POU2F1: variants seen among roughly 807,000 people sequenced by gnomAD.
POU2F1 encodes POU class 2 homeobox 1.
Under a neutral mutation model 84.9 loss-of-function variants are expected in POU2F1, and 16 were observed. The observed-to-expected ratio is 0.19, with a 90% CI of 0.13 to 0.29. The LOEUF (loss-of-function observed/expected upper bound fraction) is 0.29, where lower values mean the gene tolerates loss of function less well. Ranked by LOEUF, POU2F1 falls within the 10% of genes least tolerant of loss-of-function variation. POU2F1 has a pLI of 1.00. For missense variants in POU2F1, 738 were observed against 942.6 expected (o/e 0.78, Z 2.84); for synonymous variants, 368 against 368.3 (o/e 1.00, Z 0.01).
At chr1:167,331,454 A>G (rs1395704153) in intron 1 of POU2F1, among the ~76,000 whole-genome samples, 2 of 152,072 alleles carry the variant, frequency 1.3e-5, no homozygotes, top group Non-Finnish European at 2.9e-5. Context: ...GTTCTCTGTT[A>G]ATAACTAAAG....
At chr1:167,293,938 A>G (rs1261740230) in intron 1 of POU2F1, among the ~76,000 whole-genome samples, 3 of 152,120 alleles carry the variant, frequency 2.0e-5, no homozygotes, top group African/African-American at 7.2e-5. Flanking sequence ...CCTATCTCTC[A>G]CCTTATACAA....
At chr1:167,371,889 C>A in intron 4 of POU2F1, 28 bp from the exon 5 acceptor site, 2 of 1,613,722 alleles carry the variant, frequency 1.2e-6, no homozygotes, top group Non-Finnish European at 1.7e-6. Context: ...CATTTGCAAT[C>A]TTTTATTTCC....
intron 3 of POU2F1, among the ~76,000 whole-genome samples, chr1:167,365,838 G>T (rs1659652904): frequency 6.6e-6 from 1 of 152,152 alleles, no homozygotes. Context: ...TTATAAGTGG[G>T]TATCTGTGGT....
rs564099340 is a variant in POU2F1 at position 167,422,973 on chromosome 1, C to T, written c.*7163C>T. The T allele has an allele frequency of 5.3e-5, 8 of 152,280 alleles. No individual in the cohort carries two copies. Among genetic ancestry groups the T allele is most frequent in the African/African-American group, 1.9e-4 (8 of 41,564 alleles). The allele number at this position is 152,280 out of a possible 1,614,324, so 9.4% of individuals were successfully genotyped here. A position where few individuals can be genotyped will look rare whatever the true frequency, so the allele number is the denominator to read the frequency against. On this transcript the variant is annotated 3_prime_UTR_variant, in exon 16 of 16. Transcript: ENST00000367866. ...CTGGCTCTTTAAAGATGGATAGTTG[C>T]TCAATCTAGCAGTGATGTTCTTGGA...
At chr1:167,255,165 A>G (rs946337060) in intron 1 of POU2F1, among the ~76,000 whole-genome samples, 12 of 152,220 alleles carry the variant, frequency 7.9e-5, no homozygotes, top group Non-Finnish European at 7.4e-5. Flanking sequence ...GTCTCATTCA[A>G]TAGGTACTCA....
intron 2 of POU2F1, among the ~76,000 whole-genome samples, chr1:167,351,448 G>A (rs752675752): frequency 1.3e-5 from 2 of 149,446 alleles, no homozygotes; most frequent in Non-Finnish European, 3.0e-5. Flanking sequence ...AACCTGGGAG[G>A]CGCAGGGTTG....
intron 1 of POU2F1, among the ~76,000 whole-genome samples, chr1:167,309,627 C>G (rs1445036717): frequency 2.6e-5 from 4 of 152,166 alleles, no homozygotes; most frequent in African/African-American, 9.7e-5. Flanking sequence ...TTTGCTTCTA[C>G]TACACCACCT....
chr1:167,357,216 C>A (rs1253626051), intron 2 of POU2F1, among the ~76,000 whole-genome samples: 1 of 151,978 alleles, frequency 6.6e-6, no homozygotes, highest in African/African-American at 2.4e-5. Context: ...GTAACTGGCC[C>A]CCTTATCTTC....
chr1:167,416,088 A>AAAAAAAAAAAAAAAAAAAAAAAAAAAAT lies in POU2F1; in HGVS notation c.*296_*297insAAAAAAAAATAAAAAAAAAAAAAAAAAA. ...TTGGAGAACTTTCTAACCAAAAATTAAAAAAAAAAAAAAAAAAAGAAACAA... is the reference window on the plus strand; with the variant it reads ...TTGGAGAACTTTCTAACCAAAAATTAAAAAAAAAAAAAAAAAAAAAAAAAAAATAAAAAAAAAAAAAAAAAAGAAACAA... On this transcript the variant is annotated 3_prime_UTR_variant, in exon 16 of 16. Transcript: ENST00000367866. The AAAAAAAAAAAAAAAAAAAAAAAAAAAAT allele has an allele frequency of 4.1e-5, 1 of 24,298 alleles. No individual in the cohort carries two copies. The highest frequency in any genetic ancestry group is 1.5e-4 in the Non-Finnish European group (1 of 6,852). The allele number at this position is 24,298 out of a possible 1,614,324, so 1.5% of individuals were successfully genotyped here. A position where few individuals can be genotyped will look rare whatever the true frequency, so the allele number is the denominator to read the frequency against.
intron 1 of POU2F1, among the ~76,000 whole-genome samples, chr1:167,268,087 G>A (rs148870738): frequency 6.6e-6 from 1 of 152,132 alleles, no homozygotes; most frequent in East Asian, 1.9e-4. Flanking sequence ...AAATCACTTA[G>A]ATATTGGTTC....
intron 1 of POU2F1, among the ~76,000 whole-genome samples, chr1:167,284,927 A>G (rs1021118003): frequency 3.3e-5 from 5 of 152,352 alleles, no homozygotes; most frequent in East Asian, 1.9e-4. Flanking sequence ...TGTTGCAAGT[A>G]TAACAGAATA....
chr1:167,421,840 C>G lies in POU2F1; in HGVS notation c.*6030C>G, dbSNP rs1013958945. 1 of 140,580 alleles carries G rather than the reference C, an allele frequency of 7.1e-6. No homozygotes were observed. The highest frequency in any genetic ancestry group is 7.7e-5 in the Admixed American group (1 of 13,014). 8.7% of individuals were successfully genotyped at this position (140,580 alleles called of 1,614,324 possible). A position where few individuals can be genotyped will look rare whatever the true frequency, so the allele number is the denominator to read the frequency against. ...TAGTTGAACTAATGTTTATTATGAT[C>G]GATAAACAAGATTGATGCTGTATGT... On this transcript the variant is annotated 3_prime_UTR_variant, in exon 16 of 16. Transcript: ENST00000367866.
rs367961462 is a variant in POU2F1 at position 167,252,915 on chromosome 1, CTG to C, written c.61+31960_61+31961del. ...TTTCTGTTATTTCTATGCCCAAAGA[CTG>C]TGCTGACCGCCATTTTGCCAGAAGC... On this transcript the variant is annotated intron_variant, in intron 1 of 15. Transcript: ENST00000367866. 4.3e-4 allele frequency among the ~76,000 whole-genome samples: 65 copies of C among 152,310 alleles called. 2 individuals are homozygous for C. In the South Asian group the frequency reaches 0.013, roughly 30 times the overall value.
At chr1:167,338,130 C>G in intron 2 of POU2F1, 1 of 464,894 alleles carries the variant, frequency 2.2e-6, no homozygotes, top group Non-Finnish European at 4.4e-6. Context: ...TCTCCTGCCT[C>G]CCCTTCCAGC....
intron 2 of POU2F1, among the ~76,000 whole-genome samples, chr1:167,334,988 A>G (rs1397010486): frequency 6.6e-6 from 1 of 152,144 alleles, no homozygotes; most frequent in African/African-American, 2.4e-5. Context: ...TGACACTTTA[A>G]GGAGAATGAT....
chr1:167,368,569 T>C (rs1238669639), intron 3 of POU2F1, among the ~76,000 whole-genome samples: 1 of 152,182 alleles, frequency 6.6e-6, no homozygotes, highest in Non-Finnish European at 1.5e-5. Context: ...AAAATTTTTA[T>C]CTTCTTCAAA....
In POU2F1 at chr1:167,328,755, A is replaced by C. The variant is rs138300402; in HGVS notation, c.62-3715A>C. Among the ~76,000 whole-genome samples, 1,058 of 152,214 alleles carry C rather than the reference A, an allele frequency of 7.0e-3. 14 individuals carry two copies. The highest frequency in any genetic ancestry group is 4.5e-3 in the Non-Finnish European group (305 of 68,012). ...CAGGAGATAATTTTTCCCTTCATGC[A>C]CTGCCAATTAATATGCAAATAGCCT... On this transcript the variant is annotated intron_variant, in intron 1 of 15. Coordinates refer to ENST00000367866, the MANE Select transcript of POU2F1 (RefSeq NM_002697.4).
chr1:167,423,554 A>G lies in POU2F1; in HGVS notation c.*7744A>G, dbSNP rs185664229. On this transcript the variant is annotated 3_prime_UTR_variant, in exon 16 of 16. Coordinates refer to ENST00000367866, the MANE Select transcript of POU2F1 (RefSeq NM_002697.4). ...GAACACCACTTTGAGCACAGAAACA[A>G]AGGTCCCTTGGACCTGGTAGGGAAG... The G allele has an allele frequency of 6.6e-6, 1 of 152,298 alleles. No homozygotes were observed. The highest frequency in any genetic ancestry group is 2.4e-5 in the African/African-American group (1 of 41,562). The allele number at this position is 152,298 out of a possible 1,614,324, so 9.4% of individuals were successfully genotyped here.
intron 1 of POU2F1, among the ~76,000 whole-genome samples, chr1:167,237,768 ATATATTTTTTTT>A (rs1315284085): frequency 4.6e-4 from 7 of 15,380 alleles, no homozygotes; most frequent in Admixed American, 1.2e-3. Flanking sequence ...ATATATATAT[ATATATTTTTTTT>A]TTTTTTTTTT....
Sources: allele counts gnomAD v4.1 joint callset (sites outside exome capture counted in the v4.1 genomes callset), GRCh38; gene constraint gnomAD v4.1.1; transcripts MANE v1.5; gene names NCBI Gene and HGNC (gene_info 2026-07-23, HGNC 2026-07-21).